SERPINI2: variants seen among roughly 807,000 people sequenced by gnomAD.
SERPINI2 encodes serpin family I member 2.
A neutral mutation model predicts 47.3 loss-of-function variants in SERPINI2; 48 were observed. The observed-to-expected ratio is 1.02, with a 90% CI of 0.81 to 1.29. SERPINI2 has a LOEUF of 1.29. SERPINI2 is among the 50% of genes most tolerant of loss of function. The probability of loss-of-function intolerance (pLI) is 0.00; values close to 1 mark genes in which losing one functional copy is unlikely to be tolerated. For synonymous variants in SERPINI2, 135 were observed against 149.3 expected, an observed-to-expected ratio of 0.90 and a Z score of 0.70; for missense variants, 448 against 456.9, an observed-to-expected ratio of 0.98 and a Z score of 0.18.
intron 2 of SERPINI2, among the ~76,000 whole-genome samples, chr3:167,468,191 A>T (rs765224630): frequency 8.5e-5 from 13 of 152,092 alleles, no homozygotes; most frequent in African/African-American, 1.2e-4. Context: ...TTTTCAGTTA[A>T]ATACTGCAAA....
chr3:167,467,366 T>C (rs1254119073), intron 2 of SERPINI2, 81 bp from the exon 3 acceptor site: 1 of 941,972 alleles, frequency 1.1e-6, no homozygotes, highest in African/African-American at 1.7e-5. Flanking sequence ...CTAAGTACTC[T>C]GATTCATATC....
upstream of SERPINI2, among the ~76,000 whole-genome samples, chr3:167,475,238 G>C (rs1750451685): frequency 6.6e-6 from 1 of 151,696 alleles, no homozygotes; most frequent in Admixed American, 6.6e-5. Flanking sequence ...AAAAAGAGTT[G>C]TGCAATACAA....
chr3:167,471,559 G>A, intron 2 of SERPINI2, 29 bp downstream of exon 2: 2 of 1,606,260 alleles, frequency 1.2e-6, no homozygotes, highest in East Asian at 4.5e-5. Context: ...ATCTTATCCA[G>A]TATAAGTAAG....
Position 167,465,531 on chromosome 3 carries a change from A to AT in SERPINI2, c.620dup (p.Asn207LysfsTer23). On this transcript the variant is annotated frameshift_variant, in exon 4 of 9. Coordinates refer to ENST00000264677, the Ensembl canonical transcript of SERPINI2. LOFTEE classifies it high-confidence loss of function. ...TCATTGGAATTTTGACAGTTGAACC[A>AT]TTTTTCTTAGTAAAATTTATCAGCT... 6.2e-7 allele frequency: 1 copy of AT among 1,613,596 alleles called. No individual in the cohort carries two copies. Among genetic ancestry groups the AT allele is most frequent in the South Asian group, 1.1e-5 (1 of 91,054 alleles).
chr3:167,443,425 A>G (rs867165590), intron 8 of SERPINI2, among the ~76,000 whole-genome samples: 9 of 152,324 alleles, frequency 5.9e-5, no homozygotes, highest in Middle Eastern at 3.4e-3. Context: ...ACTTTTTATT[A>G]TGAATAATTA....
Position 167,458,111 on chromosome 3 carries a change from T to A in SERPINI2, c.867-5078A>T, listed in dbSNP as rs1051559541. Among the ~76,000 whole-genome samples the A allele has an allele frequency of 2.2e-4, 33 of 152,214 alleles. 1 individual carries two copies. The highest frequency in any genetic ancestry group is 1.8e-3 in the Admixed American group (27 of 15,284). On this transcript the variant is annotated intron_variant, in intron 5 of 8. Coordinates refer to ENST00000264677, the Ensembl canonical transcript of SERPINI2. The stretch of plus-strand genomic sequence containing the variant: ...CAACTCTTTTAAAACCCAACTCAAG[T>A]CCTTCTTTCATGAAGCCTTTGTTTA...
At position 167,463,177 on chromosome 3, in the gene SERPINI2, TAGG is replaced by T. The variant is rs376259507; in HGVS notation, c.866+2026_866+2028del. The stretch of plus-strand genomic sequence containing the variant: ...TCCAAGAAAGTGATCATTTCAAAGC[TAGG>T]AGAAGTAAATTTGAAAATAAACAAT... On this transcript the variant is annotated intron_variant, in intron 5 of 8. Coordinates refer to ENST00000264677, the Ensembl canonical transcript of SERPINI2. Among the ~76,000 whole-genome samples, 6 of 151,888 alleles carry T rather than the reference TAGG, an allele frequency of 4.0e-5. No individual in the cohort carries two copies. The East Asian group carries it at 1.2e-3, about 29-fold the overall frequency.
chr3:167,468,426 G>A (rs1750209220), intron 2 of SERPINI2, among the ~76,000 whole-genome samples: 1 of 151,932 alleles, frequency 6.6e-6, no homozygotes, highest in Non-Finnish European at 1.5e-5. Flanking sequence ...TGGGGGCTGG[G>A]CAGCTCCATG....
intron 5 of SERPINI2, among the ~76,000 whole-genome samples, chr3:167,457,985 T>C (rs1749850372): frequency 6.6e-6 from 1 of 152,214 alleles, no homozygotes; most frequent in African/African-American, 2.4e-5. Flanking sequence ...GGTGAACAAT[T>C]CTGACTACTA....
At chr3:167,453,530 C>G (rs1278661818) in intron 5 of SERPINI2, among the ~76,000 whole-genome samples, 1 of 152,046 alleles carries the variant, frequency 6.6e-6, no homozygotes, top group Admixed American at 6.6e-5. Flanking sequence ...CGCCCATTGT[C>G]ACAGTCAATG....
Position 167,449,470 on chromosome 3 carries a change from T to C in SERPINI2, c.965-68A>G, listed in dbSNP as rs111913462. 13,423 of 762,458 alleles carry C rather than the reference T, an allele frequency of 0.018. 1,175 individuals carry two copies. The African/African-American group carries it at 0.2, about 12-fold the overall frequency. 47.2% of individuals were successfully genotyped at this position (762,458 alleles called of 1,614,324 possible). ...ATCAAAAGCCGTTACCTATTAGATC[T>C]CAATTAATTACATTTATTTATTTAT... On this transcript the variant is annotated intron_variant, in intron 6 of 8. Transcript: ENST00000264677.
intron 5 of SERPINI2, among the ~76,000 whole-genome samples, chr3:167,457,831 A>T (rs1749843468): frequency 6.6e-6 from 1 of 152,218 alleles, no homozygotes; most frequent in African/African-American, 2.4e-5. Context: ...TGCTTGTATG[A>T]TATTGCATGG....
At chr3:167,456,549 C>G (rs754079943) in intron 5 of SERPINI2, among the ~76,000 whole-genome samples, 10 of 152,292 alleles carry the variant, frequency 6.6e-5, no homozygotes, top group Non-Finnish European at 1.3e-4. Flanking sequence ...TACTCCAGAT[C>G]TCTCATCCTA....
chr3:167,471,570 G>A lies in SERPINI2; in HGVS notation c.247+18C>T, dbSNP rs758854483. On this transcript the variant is annotated intron_variant, in intron 2 of 8. Coordinates refer to ENST00000264677, the Ensembl canonical transcript of SERPINI2. ...CCATATCTTATCCAGTATAAGTAAGGAGATGTAAGAGTCTCACCAGCTGAG... is the reference window on the plus strand; with the variant it reads ...CCATATCTTATCCAGTATAAGTAAGAAGATGTAAGAGTCTCACCAGCTGAG... The A allele has an allele frequency of 2.5e-6, 4 of 1,610,048 alleles. No homozygotes were observed. Among genetic ancestry groups the A allele is most frequent in the Non-Finnish European group, 3.4e-6 (4 of 1,177,454 alleles).
At chr3:167,452,252 C>T (rs185538549) in intron 6 of SERPINI2, among the ~76,000 whole-genome samples, 2 of 152,248 alleles carry the variant, frequency 1.3e-5, no homozygotes, top group East Asian at 3.9e-4. Flanking sequence ...GGGTAAGTAA[C>T]TTGGGACAAA....
upstream of SERPINI2, among the ~76,000 whole-genome samples, chr3:167,475,678 T>C (rs1000443903): frequency 6.8e-5 from 10 of 146,454 alleles, no homozygotes; most frequent in Admixed American, 2.8e-4. Flanking sequence ...TAAAATATTT[T>C]CCCAAACCGC....
At chr3:167,474,370 A>G (rs1489358780), upstream of SERPINI2, among the ~76,000 whole-genome samples, 1 of 151,776 alleles carries the variant, frequency 6.6e-6, no homozygotes, top group Non-Finnish European at 1.5e-5. Flanking sequence ...TGTTTCTCAC[A>G]GGACTCCTAC....
chr3:167,473,686 A>G, intron 1 of SERPINI2: 1 of 944,336 alleles, frequency 1.1e-6, no homozygotes, highest in Non-Finnish European at 1.5e-6. Context: ...ATTTCTAAGC[A>G]CTTAATAAAT....
chr3:167,453,041 TAA>T lies in SERPINI2; in HGVS notation c.867-10_867-9del. The T allele has an allele frequency of 8.2e-6, 11 of 1,348,486 alleles. No individual in the cohort carries two copies. The highest frequency in any genetic ancestry group is 1.4e-5 in the South Asian group (1 of 71,778). The allele number at this position is 1,348,486 out of a possible 1,614,324, so 83.5% of individuals were successfully genotyped here. A position where few individuals can be genotyped will look rare whatever the true frequency, so the allele number is the denominator to read the frequency against. On this transcript the variant is annotated splice_polypyrimidine_tract_variant and intron_variant, in intron 5 of 8. Transcript: ENST00000264677. The stretch of plus-strand genomic sequence containing the variant: ...TTTTGTTCTACTTTAAATCTGTTAT[TAA>T]AAAAAAAAGAAAAAGAAAAGTCTTG...
Sources: gnomAD v4.1 joint callset for allele counts (sites outside exome capture counted in the v4.1 genomes callset) on GRCh38, gnomAD v4.1.1 for gene constraint, MANE v1.5 for transcripts, NCBI Gene and HGNC (gene_info 2026-07-23, HGNC 2026-07-21) for gene names.